Variants in OLA1 observed in about 807,000 individuals in gnomAD.
OLA1 encodes the protein Obg like ATPase 1.
A neutral mutation model predicts 48.4 loss-of-function variants in OLA1; 14 were observed. The ratio of observed to expected loss-of-function variants is 0.29; its 90% confidence interval spans 0.19 to 0.45. The LOEUF is 0.45. Among genes scored for constraint, OLA1 ranks in the 20% least tolerant of loss-of-function variants. OLA1 has a pLI of 1.00. For missense variants in OLA1, 325 were observed against 467.1 expected (o/e 0.70, Z 2.80); for synonymous variants, 127 against 150.4 (o/e 0.84, Z 1.14).
intron 10 of OLA1, among the ~76,000 whole-genome samples, chr2:174,078,576 A>G (rs747884740): frequency 1.3e-5 from 2 of 151,986 alleles, no homozygotes; most frequent in Non-Finnish European, 2.9e-5. Context: ...CTTTTATTTA[A>G]CTAACTTTCT....
At chr2:174,148,960 A>C (rs1401227518) in intron 4 of OLA1, among the ~76,000 whole-genome samples, 1 of 152,276 alleles carries the variant, frequency 6.6e-6, no homozygotes, top group Admixed American at 6.5e-5. Flanking sequence ...TCAACATTTA[A>C]GCATGCTTAA....
At chr2:174,138,609 T>C (rs1237927396) in intron 5 of OLA1, among the ~76,000 whole-genome samples, 1 of 152,100 alleles carries the variant, frequency 6.6e-6, no homozygotes, top group Non-Finnish European at 1.5e-5. Context: ...AACACAGCGT[T>C]GCCACAAACC....
At position 174,134,435 on chromosome 2, in the gene OLA1, T is replaced by C. The variant is rs760147752; in HGVS notation, c.549+7390A>G. On this transcript the variant is annotated intron_variant, in intron 5 of 10. Transcript: ENST00000284719. ...ACCTCATACATTCATCATTACTTTGTAGTAAGAACATTCTTCTAGTTATTC... is the reference window on the plus strand; with the variant it reads ...ACCTCATACATTCATCATTACTTTGCAGTAAGAACATTCTTCTAGTTATTC... Among the ~76,000 whole-genome samples, 140 of 152,344 alleles carry C rather than the reference T, an allele frequency of 9.2e-4. 1 individual carries two copies. Among genetic ancestry groups the C allele is most frequent in the East Asian group, 5.8e-4 (3 of 5,196 alleles).
chr2:174,223,303 C>CT, intron 3 of OLA1, 143 bp from the exon 4 acceptor site: 1 of 748,322 alleles, frequency 1.3e-6, no homozygotes, highest in Non-Finnish European at 2.1e-6. Context: ...ATATCCACCC[C>CT]TCCCCCCAAA....
At chr2:174,087,036 T>TC (rs1361777948) in intron 7 of OLA1, among the ~76,000 whole-genome samples, 110 of 151,726 alleles carry the variant, frequency 7.2e-4, no homozygotes, top group African/African-American at 2.6e-3. Context: ...TTTTTCTTTT[T>TC]TTTTTTTTTG....
Position 174,095,335 on chromosome 2 carries a change from T to TG in OLA1, c.729-13272_729-13271insC, listed in dbSNP as rs1295239492. On this transcript the variant is annotated intron_variant, in intron 7 of 10. Coordinates refer to ENST00000284719, the MANE Select transcript of OLA1 (RefSeq NM_013341.5). ...CACTTGTTATTTCCTGTTTTTTTTT[T>TG]TTTTTTTTTTTTTTGTTGTTGTTGT... is the stretch of plus-strand genomic sequence containing the variant. Among the ~76,000 whole-genome samples, 25 of 122,132 alleles carry TG rather than the reference T, an allele frequency of 2.0e-4. 1 individual carries two copies. Among genetic ancestry groups the TG allele is most frequent in the African/African-American group, 7.1e-4 (24 of 34,036 alleles). 80.1% of individuals were successfully genotyped at this position (122,132 alleles called of 152,430 possible).
chr2:174,238,968 T>C (rs1360099215), intron 2 of OLA1, among the ~76,000 whole-genome samples: 1 of 152,146 alleles, frequency 6.6e-6, no homozygotes, highest in Non-Finnish European at 1.5e-5. Context: ...ACAACAGTAA[T>C]GGATTATAAC....
At chr2:174,115,281 A>G (rs958846776) in intron 7 of OLA1, among the ~76,000 whole-genome samples, 1 of 152,222 alleles carries the variant, frequency 6.6e-6, no homozygotes, top group African/African-American at 2.4e-5. Context: ...TTGAAGTTGT[A>G]CATCGAGGGG....
At chr2:174,182,250 C>A (rs1574533717) in intron 4 of OLA1, among the ~76,000 whole-genome samples, 1 of 152,118 alleles carries the variant, frequency 6.6e-6, no homozygotes, top group Non-Finnish European at 1.5e-5. Flanking sequence ...TTCGGCCGGG[C>A]GCGGTGGCTC....
chr2:174,139,985 T>C (rs1310812379), intron 5 of OLA1, among the ~76,000 whole-genome samples: 5 of 152,102 alleles, frequency 3.3e-5, no homozygotes, highest in African/African-American at 7.2e-5. Flanking sequence ...TCATGTTTCA[T>C]GCTAGAGTAT....
At chr2:174,194,363 G>C (rs369936370) in intron 4 of OLA1, among the ~76,000 whole-genome samples, 2 of 152,254 alleles carry the variant, frequency 1.3e-5, no homozygotes, top group South Asian at 4.2e-4. Context: ...AATTCTAGCT[G>C]AACTCTTCTC....
At chr2:174,178,755 G>T (rs567402349) in intron 4 of OLA1, among the ~76,000 whole-genome samples, 12 of 151,984 alleles carry the variant, frequency 7.9e-5, no homozygotes, top group African/African-American at 2.9e-4. Flanking sequence ...ATTATTTTAT[G>T]TTGTAAAACT....
chr2:174,123,169 G>C lies in OLA1; in HGVS notation c.728+11C>G, dbSNP rs375217133. The C allele has an allele frequency of 2.9e-5, 39 of 1,365,326 alleles. No homozygotes were observed. The highest frequency in any genetic ancestry group is 4.1e-5 in the Non-Finnish European group (39 of 959,190). The allele number at this position is 1,365,326 out of a possible 1,614,324, so 84.6% of individuals were successfully genotyped here. A position where few individuals can be genotyped will look rare whatever the true frequency, so the allele number is the denominator to read the frequency against. The stretch of plus-strand genomic sequence containing the variant: ...GATGCATCTGGGTATATCTGGTGAG[G>C]AAAAACTTACCATTTGTTTTTCTTT... On this transcript the variant is annotated intron_variant, in intron 7 of 10. Transcript: ENST00000284719.
At chr2:174,192,738 C>T (rs10193118) in intron 4 of OLA1, among the ~76,000 whole-genome samples, 80,747 of 151,880 alleles carry the variant, frequency 0.53, 22,028 homozygotes, top group East Asian at 0.94. Context: ...TGTTTCATTT[C>T]TGAAAAACAT....
intron 7 of OLA1, among the ~76,000 whole-genome samples, chr2:174,107,376 A>G (rs1251402010): frequency 2.0e-5 from 3 of 152,108 alleles, no homozygotes; most frequent in African/African-American, 7.2e-5. Context: ...TGCTGTTTGG[A>G]GCACAGCAAA....
intron 7 of OLA1, among the ~76,000 whole-genome samples, chr2:174,107,398 C>T (rs772794288): frequency 1.1e-4 from 17 of 152,108 alleles, no homozygotes; most frequent in Non-Finnish European, 1.9e-4. Context: ...CAATTTCCCA[C>T]AGTGGGACTT....
intron 2 of OLA1, among the ~76,000 whole-genome samples, chr2:174,239,714 C>CAAA (rs35332033): frequency 1.3e-3 from 79 of 60,112 alleles, no homozygotes; most frequent in Middle Eastern, 0.011. Flanking sequence ...CCCATCTCTA[C>CAAA]AAAAAAAAAA....
At chr2:174,220,629 G>A (rs188136294) in intron 4 of OLA1, among the ~76,000 whole-genome samples, 1 of 152,262 alleles carries the variant, frequency 6.6e-6, no homozygotes, top group Admixed American at 6.5e-5. Flanking sequence ...ATAAGATAGA[G>A]TGATTTAAAG....
chr2:174,077,749 A>C (rs1439765779), intron 10 of OLA1, among the ~76,000 whole-genome samples: 2 of 152,058 alleles, frequency 1.3e-5, no homozygotes, highest in Non-Finnish European at 2.9e-5. Flanking sequence ...CCATTTTAAG[A>C]GTATAAAAAA....
Sources: allele counts gnomAD v4.1 joint callset (sites outside exome capture counted in the v4.1 genomes callset), GRCh38; gene constraint gnomAD v4.1.1; transcripts MANE v1.5; gene names NCBI Gene and HGNC (gene_info 2026-07-23, HGNC 2026-07-21).